The following FPR1 variants were observed in gnomAD, a reference collection of about 807,000 sequenced individuals.
FPR1 encodes the protein N-formyl peptide receptor 1.
For synonymous variants in FPR1, 193 were observed against 176.7 expected, an observed-to-expected ratio of 1.09 and a Z score of -0.73; for missense variants, 407 against 453.0, an observed-to-expected ratio of 0.90 and a Z score of 0.92.
Position 51,747,008 on chromosome 19 carries a change from G to C in FPR1, c.-11-3C>G. On this transcript the variant is annotated splice_polypyrimidine_tract_variant and splice_region_variant and intron_variant, in intron 1 of 1. Coordinates refer to ENST00000304748, the MANE Select transcript of FPR1 (RefSeq NM_002029.4). ...ATTTGTCTCCATCTTGTCTGCTCCT[G>C]AAATAGTGCAGTCGTGGTCATTCCT... The C allele has an allele frequency of 6.3e-7, 1 of 1,587,562 alleles. No individual in the cohort carries two copies. The highest frequency in any genetic ancestry group is 8.6e-7 in the Non-Finnish European group (1 of 1,159,590).
intron 1 of FPR1, among the ~76,000 whole-genome samples, chr19:51,749,810 C>T (rs772720384): frequency 4.6e-5 from 7 of 152,112 alleles, no homozygotes; most frequent in African/African-American, 1.4e-4. Context: ...TTCAGGTGCA[C>T]GCCGCCGTGC....
At position 51,746,716 on chromosome 19, in the gene FPR1, G is replaced by A. The variant is rs374349320; in HGVS notation, c.279C>T (p.Phe93=). 4.0e-5 allele frequency: 64 copies of A among 1,614,166 alleles called. No homozygotes were observed. Among genetic ancestry groups the A allele is most frequent in the East Asian group, 2.0e-4 (9 of 44,870 alleles). ...AGACGAATTTGCACAGGAACCAGCC[G>A]AAAGGCCAATGTCCTCCCATGGCCT... is the stretch of plus-strand genomic sequence containing the variant. ...VRKAMGGHWP[F]GWFLCKFVFT... Residue 93 remains phenylalanine, a synonymous_variant, in exon 2 of 2, where the codon TTC becomes TTT. Coordinates refer to ENST00000304748, the MANE Select transcript of FPR1 (RefSeq NM_002029.4). This position sits in a 1 kb window ranked among gnomAD's most constrained non-coding sequence, Gnocchi z 4.3.
In FPR1 at chr19:51,746,797, G is replaced by A. The variant is rs371282377; in HGVS notation, c.198C>T (p.Asn66=). 4 of 1,614,162 alleles carry A rather than the reference G, an allele frequency of 2.5e-6. No individual in the cohort carries two copies. The highest frequency in any genetic ancestry group is 1.7e-5 in the Admixed American group (1 of 60,014). ...THTVTTISYL[N]LAVADFCFTS... is the part of the protein sequence containing the mutation. ...TGAAACAGAAGTCAGCCACGGCCAG[G>A]TTCAGGTAACTGATGGTGGTGACTG... is the stretch of plus-strand genomic sequence containing the variant. The change falls in exon 2 of 2, where the codon AAC becomes AAT. Residue 66 remains asparagine (N), a synonymous_variant. Coordinates refer to ENST00000304748, the MANE Select transcript of FPR1 (RefSeq NM_002029.4). This position sits in a 1 kb window ranked among gnomAD's most constrained non-coding sequence, Gnocchi z 4.3.
At chr19:51,747,587 T>C (rs891474937) in intron 1 of FPR1, among the ~76,000 whole-genome samples, 2 of 152,136 alleles carry the variant, frequency 1.3e-5, no homozygotes, top group African/African-American at 4.8e-5. Context: ...ATTAAATGGC[T>C]AAGGAAGATA....
chr19:51,751,192 C>A (rs1222113510), intron 1 of FPR1, among the ~76,000 whole-genome samples: 3 of 152,152 alleles, frequency 2.0e-5, no homozygotes, highest in Non-Finnish European at 2.9e-5. Context: ...GCCCTCATCT[C>A]TGTAACCAGA....
At position 51,749,001 on chromosome 19, in the gene FPR1, G is replaced by GGTTA. The variant is rs1325743810; in HGVS notation, c.-11-2000_-11-1997dup. Among the ~76,000 whole-genome samples, 9 of 152,186 alleles carry GGTTA rather than the reference G, an allele frequency of 5.9e-5. No homozygotes were observed. The South Asian group carries it at 1.7e-3, about 28-fold the overall frequency. On this transcript the variant is annotated intron_variant, in intron 1 of 1. Coordinates refer to ENST00000304748, the MANE Select transcript of FPR1 (RefSeq NM_002029.4). ...GGAGGCCGAGGCGGGTGGATCATGA[G>GGTTA]GTTAGCAGTTCGAGACCAGCCTGGC...
rs768554070 is a variant in FPR1 at position 51,746,810 on chromosome 19, A to T, written c.185T>A (p.Ile62Asn). ...AGCCACGGCCAGGTTCAGGTAACTG[A>T]TGGTGGTGACTGTGTGTGTCATCCG... ...GFRMTHTVTT[I>N]SYLNLAVADF... The change falls in exon 2 of 2, where the codon ATC (isoleucine) becomes AAC (asparagine). Residue 62 changes from isoleucine (I) to asparagine (N), a missense_variant. Coordinates refer to ENST00000304748, the MANE Select transcript of FPR1 (RefSeq NM_002029.4). The surrounding 1 kb of genome is among the most constrained non-coding windows in gnomAD (Gnocchi z 4.3). 12 of 1,614,154 alleles carry T rather than the reference A, an allele frequency of 7.4e-6. No individual in the cohort carries two copies. Among genetic ancestry groups the T allele is most frequent in the Non-Finnish European group, 8.5e-6 (10 of 1,180,036 alleles).
chr19:51,748,221 C>A (rs918860016), intron 1 of FPR1, among the ~76,000 whole-genome samples: 28 of 152,116 alleles, frequency 1.8e-4, no homozygotes, highest in Non-Finnish European at 7.4e-5. Context: ...GAAGACACCA[C>A]AAGTCACATT....
At position 51,746,793 on chromosome 19, in the gene FPR1, C is replaced by T; in HGVS notation, c.202G>A (p.Ala68Thr). ...GAGGTGAAACAGAAGTCAGCCACGGCCAGGTTCAGGTAACTGATGGTGGTG... is the reference window on the plus strand; with the variant it reads ...GAGGTGAAACAGAAGTCAGCCACGGTCAGGTTCAGGTAACTGATGGTGGTG... ...TVTTISYLNLAVADFCFTSTL... is the reference protein window; with the variant it reads ...TVTTISYLNLTVADFCFTSTL... The change falls in exon 2 of 2, where the codon GCC (alanine) becomes ACC (threonine). Residue 68 changes from alanine to threonine, a missense_variant. Ala to Thr is a moderately conservative substitution (Grantham distance 58, BLOSUM62 0). Transcript: ENST00000304748. The surrounding 1 kb of genome is among the most constrained non-coding windows in gnomAD (Gnocchi z 4.3). 1.2e-6 allele frequency: 2 copies of T among 1,614,102 alleles called. No individual in the cohort carries two copies. Among genetic ancestry groups the T allele is most frequent in the South Asian group, 1.1e-5 (1 of 91,078 alleles).
chr19:51,748,068 A>G (rs1013623163), intron 1 of FPR1, among the ~76,000 whole-genome samples: 2 of 152,156 alleles, frequency 1.3e-5, no homozygotes, highest in Non-Finnish European at 2.9e-5. Flanking sequence ...TGGGAGGCTC[A>G]CTTGAGCCCA....
chr19:51,748,518 TG>T (rs1458577991), intron 1 of FPR1, among the ~76,000 whole-genome samples: 2 of 152,236 alleles, frequency 1.3e-5, no homozygotes, highest in African/African-American at 2.4e-5. Context: ...TGGAGTGCAG[TG>T]GTGCGATCTT....
intron 1 of FPR1, among the ~76,000 whole-genome samples, chr19:51,748,483 C>G (rs988632441): frequency 6.6e-6 from 1 of 152,222 alleles, no homozygotes; most frequent in East Asian, 1.9e-4. Context: ...TTGTTTGAGA[C>G]GCAGTCTCGT....
chr19:51,745,964 T>C lies in FPR1; in HGVS notation c.1031A>G (p.Glu344Gly). 1 of 1,611,762 alleles carries C rather than the reference T, an allele frequency of 6.2e-7. No individual in the cohort carries two copies. The highest frequency in any genetic ancestry group is 1.1e-5 in the South Asian group (1 of 91,062). The change falls in exon 2 of 2, where the codon GAG (glutamate) becomes GGG (glycine). Residue 344 changes from glutamate (E) to glycine (G), a missense_variant. Coordinates refer to ENST00000304748, the MANE Select transcript of FPR1 (RefSeq NM_002029.4). ...TCCTCACTTTGCCTGTAACTCCACC[T>C]CTGCAGAAGGTAAAGTAGAATTGGT... is the stretch of plus-strand genomic sequence containing the variant. ...TATNSTLPSA[E>G]VELQAK is the part of the protein sequence containing the mutation.
rs1481762038 is a variant in FPR1 at position 51,746,748 on chromosome 19, C to T, written c.247G>A (p.Val83Ile). 1 of 1,614,112 alleles carries T rather than the reference C, an allele frequency of 6.2e-7. No individual in the cohort carries two copies. Among genetic ancestry groups the T allele is most frequent in the Admixed American group, 1.7e-5 (1 of 60,014 alleles). The change falls in exon 2 of 2, where the codon GTC becomes ATC. Residue 83 changes from valine (V) to isoleucine (I), a missense_variant. Coordinates refer to ENST00000304748, the MANE Select transcript of FPR1 (RefSeq NM_002029.4). This position sits in a 1 kb window ranked among gnomAD's most constrained non-coding sequence, Gnocchi z 4.3. ...CAATGTCCTCCCATGGCCTTCCTGA[C>T]CATGAAGAATGGCAAAGTGGAGGTG... ...CFTSTLPFFMVRKAMGGHWPF... is the reference protein window; with the variant it reads ...CFTSTLPFFMIRKAMGGHWPF...
intron 1 of FPR1, 62 bp from the exon 2 acceptor site, chr19:51,747,067 C>G: frequency 8.1e-7 from 1 of 1,241,718 alleles, no homozygotes; most frequent in Admixed American, 2.3e-5. Flanking sequence ...TCCCCACCCC[C>G]TCATTTCTGC....
At chr19:51,747,802 C>CT (rs1429844104) in intron 1 of FPR1, among the ~76,000 whole-genome samples, 8 of 152,166 alleles carry the variant, frequency 5.3e-5, no homozygotes, top group Non-Finnish European at 1.2e-4. Context: ...CAATGAAGCA[C>CT]TGATATATGC....
At position 51,746,656 on chromosome 19, in the gene FPR1, G is replaced by C; in HGVS notation, c.339C>G (p.Val113=). 6.2e-7 allele frequency: 1 copy of C among 1,614,168 alleles called. No individual in the cohort carries two copies. The highest frequency in any genetic ancestry group is 1.1e-5 in the South Asian group (1 of 91,080). Reference sequence around the variant, plus strand: ...CCAGAGCAATGAGGGCGATCAGGAAGACACTTCCGAACAAGTTGATGTCCA... The same window carrying C: ...CCAGAGCAATGAGGGCGATCAGGAACACACTTCCGAACAAGTTGATGTCCA... ...TIVDINLFGS[V]FLIALIALDR... The change falls in exon 2 of 2, where the codon GTC becomes GTG. Residue 113 remains valine, a synonymous_variant. Transcript: ENST00000304748. This position sits in a 1 kb window ranked among gnomAD's most constrained non-coding sequence, Gnocchi z 4.3.
chr19:51,747,836 A>G (rs1482844494), intron 1 of FPR1, among the ~76,000 whole-genome samples: 2 of 152,162 alleles, frequency 1.3e-5, no homozygotes, highest in East Asian at 1.9e-4. Context: ...AACCTTGAAA[A>G]CATTACTCTA....
chr19:51,747,919 G>A (rs533420617), intron 1 of FPR1, among the ~76,000 whole-genome samples: 3 of 152,136 alleles, frequency 2.0e-5, no homozygotes, highest in Non-Finnish European at 2.9e-5. Flanking sequence ...TAGGAGGGTT[G>A]CTTGAGCTCA....
Sources: allele counts gnomAD v4.1 joint callset (sites outside exome capture counted in the v4.1 genomes callset), GRCh38; gene constraint gnomAD v4.1.1; non-coding constraint Gnocchi (gnomAD v3.1); transcripts MANE v1.5; gene names NCBI Gene and HGNC (gene_info 2026-07-23, HGNC 2026-07-21).